Variants in WDPCP observed in about 807,000 individuals in gnomAD.
WDPCP encodes the protein WD repeat-containing and planar cell polarity effector protein fritz homolog.
A neutral mutation model predicts 93.1 loss-of-function variants in WDPCP; 71 were observed. The observed-to-expected ratio is 0.76, with a 90% confidence interval of 0.63 to 0.93. WDPCP has a LOEUF of 0.93. Among genes scored for constraint, WDPCP ranks in the 40% least tolerant of loss-of-function variants. WDPCP has a pLI of 0.00. For missense variants in WDPCP, 844 were observed against 887.4 expected (o/e 0.95, Z 0.62); for synonymous variants, 315 against 315.0 (o/e 1.00, Z 0.00).
intron 1 of WDPCP, among the ~76,000 whole-genome samples, chr2:63,549,262 A>G (rs918785779): frequency 6.6e-5 from 10 of 151,524 alleles, no homozygotes; most frequent in Admixed American, 3.9e-4. Context: ...AAAAAAAAAA[A>G]AAAAAAGAAA....
chr2:63,822,400 T>C (rs1476246369), intron 1 of WDPCP, among the ~76,000 whole-genome samples: 1 of 152,198 alleles, frequency 6.6e-6, no homozygotes, highest in Non-Finnish European at 1.5e-5. Context: ...TTAGAGTTTG[T>C]AGAATTTTTA....
chr2:63,813,234 A>G (rs1358986412), intron 2 of WDPCP, among the ~76,000 whole-genome samples: 3 of 152,230 alleles, frequency 2.0e-5, no homozygotes, highest in Non-Finnish European at 4.4e-5. Flanking sequence ...GAAATGGTGA[A>G]GGCCTAAACC....
intron 12 of WDPCP, among the ~76,000 whole-genome samples, chr2:63,321,056 G>C: frequency 6.6e-6 from 1 of 151,930 alleles, no homozygotes; most frequent in Non-Finnish European, 1.5e-5. Flanking sequence ...AGTATTAAAG[G>C]AGGGACATTT....
intron 2 of WDPCP, among the ~76,000 whole-genome samples, chr2:63,652,782 C>CG (rs1349569601): frequency 7.1e-6 from 1 of 141,046 alleles, no homozygotes; most frequent in African/African-American, 2.7e-5. Context: ...AAGTCCAACT[C>CG]AGTGTGGGCC....
chr2:63,284,139 A>G (rs1212996496), intron 13 of WDPCP, among the ~76,000 whole-genome samples: 1 of 152,194 alleles, frequency 6.6e-6, no homozygotes, highest in Non-Finnish European at 1.5e-5. Context: ...TATGGCATGT[A>G]TTATATATAA....
intron 3 of WDPCP, among the ~76,000 whole-genome samples, chr2:63,648,549 C>A (rs550367976): frequency 6.6e-6 from 1 of 152,278 alleles, no homozygotes; most frequent in African/African-American, 2.4e-5. Flanking sequence ...CCTCTGACAA[C>A]CTGCAACCCC....
chr2:63,618,977 C>T, intron 3 of WDPCP, among the ~76,000 whole-genome samples: 1 of 152,200 alleles, frequency 6.6e-6, no homozygotes, highest in Non-Finnish European at 1.5e-5. Flanking sequence ...GCATGAGCCA[C>T]TGCGTCCAGC....
At chr2:63,662,172 G>A (rs1052423666) in intron 2 of WDPCP, among the ~76,000 whole-genome samples, 2 of 152,132 alleles carry the variant, frequency 1.3e-5, no homozygotes, top group East Asian at 3.9e-4. Flanking sequence ...AATTATTAGA[G>A]TATAAACAGC....
intron 2 of WDPCP, among the ~76,000 whole-genome samples, chr2:63,703,912 T>C (rs1338524673): frequency 3.3e-5 from 5 of 152,192 alleles, no homozygotes; most frequent in Non-Finnish European, 7.4e-5. Flanking sequence ...TTTCACGATA[T>C]TGATTCTTCC....
intron 3 of WDPCP, among the ~76,000 whole-genome samples, chr2:63,608,193 A>T (rs1001885193): frequency 2.0e-5 from 3 of 152,132 alleles, no homozygotes; most frequent in African/African-American, 7.2e-5. Flanking sequence ...TCATTATATT[A>T]AAAAAATGGT....
At chr2:63,130,035 A>G (rs77626409) in intron 17 of WDPCP, among the ~76,000 whole-genome samples, 3,004 of 152,256 alleles carry the variant, frequency 0.02, 109 homozygotes, top group African/African-American at 0.069. Context: ...CAGAGGGCCA[A>G]CTGTATTTTC....
chr2:63,639,195 C>A (rs746156943), intron 3 of WDPCP, among the ~76,000 whole-genome samples: 1 of 152,136 alleles, frequency 6.6e-6, no homozygotes, highest in Non-Finnish European at 1.5e-5. Context: ...CAAGTTGCAC[C>A]ACTGCACTCC....
intron 12 of WDPCP, among the ~76,000 whole-genome samples, chr2:63,350,128 A>G (rs953533835): frequency 1.3e-5 from 2 of 152,310 alleles, no homozygotes; most frequent in East Asian, 3.9e-4. Context: ...AGGTGAGTTC[A>G]TGTCCTTTGC....
At chr2:63,592,566 G>A (rs542237539), upstream of WDPCP, among the ~76,000 whole-genome samples, 8 of 152,204 alleles carry the variant, frequency 5.3e-5, no homozygotes, top group East Asian at 7.7e-4. Flanking sequence ...GGCTGGTCTC[G>A]AACTCCTGGG....
At chr2:63,607,576 A>T (rs983357355) in intron 3 of WDPCP, among the ~76,000 whole-genome samples, 8 of 151,108 alleles carry the variant, frequency 5.3e-5, no homozygotes, top group African/African-American at 2.0e-4. Context: ...CCCGCCTGTA[A>T]TCCCAGCACT....
chr2:63,718,804 A>AC (rs762683635), intron 2 of WDPCP, among the ~76,000 whole-genome samples: 1 of 152,232 alleles, frequency 6.6e-6, no homozygotes, highest in Non-Finnish European at 1.5e-5. Context: ...AAGGTTGAAA[A>AC]ACAAAAGATG....
chr2:63,286,770 C>A (rs1269350841), intron 13 of WDPCP, among the ~76,000 whole-genome samples: 3 of 152,174 alleles, frequency 2.0e-5, no homozygotes, highest in African/African-American at 7.2e-5. Flanking sequence ...TTCTAGCTAG[C>A]TTATTCTGTG....
chr2:63,192,623 G>C (rs933880899), intron 14 of WDPCP, among the ~76,000 whole-genome samples: 1 of 152,184 alleles, frequency 6.6e-6, no homozygotes, highest in African/African-American at 2.4e-5. Context: ...GAAGAATCAA[G>C]GTTCATACCT....
intron 6 of WDPCP, among the ~76,000 whole-genome samples, chr2:63,467,693 T>C (rs369484586): frequency 2.1e-5 from 3 of 144,742 alleles, no homozygotes; most frequent in African/African-American, 7.8e-5. Flanking sequence ...GGAGAATTGC[T>C]AGAACTTAGG....
Sources: allele counts gnomAD v4.1 joint callset (sites outside exome capture counted in the v4.1 genomes callset), GRCh38; gene constraint gnomAD v4.1.1; transcripts MANE v1.5; gene names NCBI Gene and HGNC (gene_info 2026-07-23, HGNC 2026-07-21).